The following EPB41 variants were observed in gnomAD, a reference collection of about 807,000 sequenced individuals.
EPB41 encodes the protein erythrocyte membrane protein band 4.1.
Under a neutral mutation model 108.0 loss-of-function variants are expected in EPB41, and 65 were observed. That is an observed-to-expected ratio of 0.60 (90% CI 0.49 to 0.74). The LOEUF (loss-of-function observed/expected upper bound fraction) is 0.74. EPB41 is among the 30% of genes least tolerant of loss of function. The pLI, the probability that EPB41 is intolerant of heterozygous loss-of-function variation, is 0.00. For synonymous variants in EPB41, 336 were observed against 358.9 expected, an observed-to-expected ratio of 0.94 and a Z score of 0.72; for missense variants, 875 against 1,037.0, an observed-to-expected ratio of 0.84 and a Z score of 2.15.
chr1:29,092,205 C>T (rs1661492952), intron 16 of EPB41, among the ~76,000 whole-genome samples: 1 of 147,134 alleles, frequency 6.8e-6, no homozygotes, highest in South Asian at 2.2e-4. Flanking sequence ...TCAAGCAGTT[C>T]TCCTGCCTCA....
At chr1:28,979,769 T>C (rs184250248) in intron 1 of EPB41, among the ~76,000 whole-genome samples, 80 of 152,222 alleles carry the variant, frequency 5.3e-4, no homozygotes, top group South Asian at 1.5e-3. Flanking sequence ...AATCTGAAAA[T>C]TCTAGAACTA....
chr1:28,946,797 C>T (rs575513328), intron 1 of EPB41, among the ~76,000 whole-genome samples: 3 of 152,224 alleles, frequency 2.0e-5, no homozygotes, highest in Admixed American at 6.5e-5. Flanking sequence ...AAGGGCTGCC[C>T]TAGGGTTCAC....
chr1:29,020,619 T>C (rs2096632091), intron 7 of EPB41, among the ~76,000 whole-genome samples: 1 of 151,784 alleles, frequency 6.6e-6, no homozygotes, highest in African/African-American at 2.4e-5. Context: ...CCGCAGAAAA[T>C]GATGATGTCA....
chr1:28,935,574 A>G (rs1459301459), intron 1 of EPB41, among the ~76,000 whole-genome samples: 2 of 149,832 alleles, frequency 1.3e-5, no homozygotes, highest in African/African-American at 2.5e-5. Flanking sequence ...TTATCTTGCC[A>G]TACTCATCTT....
At chr1:28,902,289 T>C (rs937291221) in intron 1 of EPB41, 1 of 985,422 alleles carries the variant, frequency 1.0e-6, no homozygotes, top group Middle Eastern at 5.2e-4. Context: ...CAGTTTCAAT[T>C]GGAGTGCCCA....
At chr1:29,110,158 A>T (rs1668670743) in intron 18 of EPB41, among the ~76,000 whole-genome samples, 1 of 148,732 alleles carries the variant, frequency 6.7e-6, no homozygotes, top group African/African-American at 2.5e-5. Context: ...CAACATAGTG[A>T]AACCTCATCT....
chr1:29,013,837 T>TTG (rs1282145029), intron 5 of EPB41, among the ~76,000 whole-genome samples: 22 of 49,306 alleles, frequency 4.5e-4, no homozygotes, highest in African/African-American at 9.5e-4. Flanking sequence ...CCCTTAAGTT[T>TTG]TTTTTTTTTT....
chr1:28,993,656 TC>T, intron 3 of EPB41, 114 bp downstream of exon 3: 14 of 869,202 alleles, frequency 1.6e-5, no homozygotes, highest in Admixed American at 5.5e-5. Context: ...ATTTCTTTTT[TC>T]TTTTTTTTTT....
chr1:28,949,824 G>A (rs758387956), intron 1 of EPB41, among the ~76,000 whole-genome samples: 1 of 151,946 alleles, frequency 6.6e-6, no homozygotes, highest in Non-Finnish European at 1.5e-5. Flanking sequence ...GGGTGGTCTC[G>A]ATCTCCTGAC....
intron 1 of EPB41, among the ~76,000 whole-genome samples, chr1:28,890,023 TTTTTA>T (rs1356187207): frequency 1.1e-5 from 1 of 94,132 alleles, no homozygotes; most frequent in African/African-American, 4.0e-5. Context: ...TTTATTTTTA[TTTTTA>T]TTTTATTTTA....
rs1254531462 is a variant in EPB41 at position 29,097,926 on chromosome 1, G to C, written c.2304G>C (p.Glu768Asp). 1.2e-6 allele frequency: 2 copies of C among 1,613,964 alleles called. No individual in the cohort carries two copies. The highest frequency in any genetic ancestry group is 3.3e-5 in the Admixed American group (2 of 60,014). Residue 768 changes from glutamate (E) to aspartate (D), a missense_variant, in exon 17 of 21, where the codon GAG (glutamate) becomes GAC (aspartate). By Grantham distance (45) the Glu-to-Asp change is conservative. Coordinates refer to ENST00000343067, the MANE Select transcript of EPB41 (RefSeq NM_001376013.1). ...CTGAGACCAAGACCATCACTTATGA[G>C]GCTGCCCAGGTAGGACATGTTTTGA... ...VHTETKTITY[E>D]AAQTDDNSGD...
intron 11 of EPB41, among the ~76,000 whole-genome samples, chr1:29,039,987 A>C (rs1640892265): frequency 6.6e-6 from 1 of 152,206 alleles, no homozygotes; most frequent in Non-Finnish European, 1.5e-5. Context: ...ATAAATCTAA[A>C]TCTATCAGAA....
At chr1:29,000,208 C>T (rs944870718) in intron 4 of EPB41, among the ~76,000 whole-genome samples, 1 of 152,214 alleles carries the variant, frequency 6.6e-6, no homozygotes, top group Non-Finnish European at 1.5e-5. Flanking sequence ...AAGCAATTCT[C>T]CTGCCTCAGC....
At position 28,934,144 on chromosome 1, in the gene EPB41, C is replaced by G. The variant is rs560893655; in HGVS notation, c.-8+19376C>G. Among the ~76,000 whole-genome samples, 32 of 152,116 alleles carry G rather than the reference C, an allele frequency of 2.1e-4. 1 individual carries two copies. The South Asian group carries it at 6.0e-3, about 29-fold the overall frequency. On this transcript the variant is annotated intron_variant, in intron 1 of 20. Transcript: ENST00000343067. The stretch of plus-strand genomic sequence containing the variant: ...CTTGACAGTTTTGAGGGTTGTTGGT[C>G]AGATATTTGTAAGATTGCCTCAGTT...
chr1:29,051,494 G>A (rs1254164993), intron 11 of EPB41, among the ~76,000 whole-genome samples: 1 of 152,096 alleles, frequency 6.6e-6, no homozygotes, highest in Non-Finnish European at 1.5e-5. Flanking sequence ...GATCCTTACA[G>A]TTTACAAATC....
At chr1:28,962,371 C>A (rs2095243535) in intron 1 of EPB41, among the ~76,000 whole-genome samples, 1 of 152,114 alleles carries the variant, frequency 6.6e-6, no homozygotes, top group Non-Finnish European at 1.5e-5. Context: ...GCCATAATTG[C>A]TATTACTTTT....
chr1:29,079,018 A>C (rs1374565119), intron 16 of EPB41, among the ~76,000 whole-genome samples: 1 of 151,352 alleles, frequency 6.6e-6, no homozygotes, highest in Non-Finnish European at 1.5e-5. Context: ...TTTTGGACAC[A>C]AAATTTCGCT....
intron 15 of EPB41, among the ~76,000 whole-genome samples, chr1:29,063,487 TCA>T (rs1255121720): frequency 6.6e-6 from 1 of 152,248 alleles, no homozygotes; most frequent in Non-Finnish European, 1.5e-5. Context: ...CAAAATCGTC[TCA>T]CTGATTATTC....
At chr1:28,907,397 A>G (rs1570312382) in intron 1 of EPB41, among the ~76,000 whole-genome samples, 1 of 151,084 alleles carries the variant, frequency 6.6e-6, no homozygotes, top group East Asian at 1.9e-4. Context: ...ATGGGGTCTC[A>G]CCGTTACCCA....
Sources: allele counts gnomAD v4.1 joint callset (sites outside exome capture counted in the v4.1 genomes callset), GRCh38; gene constraint gnomAD v4.1.1; transcripts MANE v1.5; gene names NCBI Gene and HGNC (gene_info 2026-07-23, HGNC 2026-07-21).